IQSEC1: variants seen among roughly 807,000 people sequenced by gnomAD.
IQSEC1 encodes the protein IQ motif and Sec7 domain ArfGEF 1.
In IQSEC1, 31 loss-of-function variants were observed where a neutral mutation model predicts 91.0. The ratio of observed to expected loss-of-function variants is 0.34; its 90% CI spans 0.26 to 0.46. IQSEC1 has a LOEUF of 0.46. Ranked by LOEUF, IQSEC1 falls within the 20% of genes least tolerant of loss-of-function variation. The pLI, the probability that IQSEC1 is intolerant of heterozygous loss-of-function variation, is 1.00. For synonymous variants in IQSEC1, 699 were observed against 662.6 expected (o/e 1.05, Z -0.84); for missense variants, 1,388 against 1,575.6 (o/e 0.88, Z 2.02).
At chr3:13,018,441 C>T (rs360846) in intron 1 of IQSEC1, among the ~76,000 whole-genome samples, 143,383 of 152,328 alleles carry the variant, frequency 0.94, 67,663 homozygotes, top group East Asian at 1. Flanking sequence ...CCCTGGCCCA[C>T]GAAGAGGCTC....
intron 1 of IQSEC1, among the ~76,000 whole-genome samples, chr3:13,202,465 A>G (rs960027303): frequency 3.3e-5 from 5 of 152,214 alleles, no homozygotes; most frequent in African/African-American, 1.2e-4. Flanking sequence ...TCAGCCTTAA[A>G]AAGGAAGGAA....
At chr3:13,137,426 A>G (rs115671281) in intron 2 of IQSEC1, among the ~76,000 whole-genome samples, 1,810 of 152,362 alleles carry the variant, frequency 0.012, 30 homozygotes, top group African/African-American at 0.037. Flanking sequence ...GAAAATGCCA[A>G]TCTTAGAAGG....
chr3:13,044,632 T>C (rs1248652358), intron 1 of IQSEC1, among the ~76,000 whole-genome samples: 1 of 152,248 alleles, frequency 6.6e-6, no homozygotes, highest in African/African-American at 2.4e-5. Flanking sequence ...ATGAGCCTGT[T>C]TGGCAAGGTA....
At chr3:13,152,825 A>G (rs923683992) in intron 2 of IQSEC1, among the ~76,000 whole-genome samples, 2 of 152,160 alleles carry the variant, frequency 1.3e-5, no homozygotes, top group Non-Finnish European at 2.9e-5. Flanking sequence ...AGCCAAGATC[A>G]CGCCATTGCA....
In IQSEC1 at chr3:13,123,257, T is replaced by C. The variant is rs1706453278; in HGVS notation, c.302+40847A>G. Among the ~76,000 whole-genome samples, 7 of 152,344 alleles carry C rather than the reference T, an allele frequency of 4.6e-5. No homozygotes were observed. The South Asian group carries it at 1.2e-3, about 27-fold the overall frequency. ...AGGTGTCCAGTCCAGGGGAGGGAAT[T>C]CATTTCTAATATTTGTGCCCCTTCA... On this transcript the variant is annotated intron_variant, in intron 2 of 15. Coordinates refer to the IQSEC1 transcript ENST00000648114.
chr3:13,273,876 C>A (rs1695628978), intron 1 of IQSEC1, among the ~76,000 whole-genome samples: 1 of 152,162 alleles, frequency 6.6e-6, no homozygotes, highest in African/African-American at 2.4e-5. Context: ...CTCTCTCATG[C>A]CCTCCCCCTC....
At chr3:12,959,094 T>A (rs1462026692) in intron 1 of IQSEC1, among the ~76,000 whole-genome samples, 1 of 151,880 alleles carries the variant, frequency 6.6e-6, no homozygotes, top group Non-Finnish European at 1.5e-5. Context: ...GGTTGCTGGG[T>A]GGGTGGCAGG....
At chr3:13,161,184 G>C (rs942906249) in intron 2 of IQSEC1, among the ~76,000 whole-genome samples, 1 of 152,214 alleles carries the variant, frequency 6.6e-6, no homozygotes, top group Non-Finnish European at 1.5e-5. Flanking sequence ...CATTTGGTGG[G>C]AGCTGGAGGT....
At chr3:13,200,581 C>T (rs1029455046) in intron 1 of IQSEC1, among the ~76,000 whole-genome samples, 6 of 152,214 alleles carry the variant, frequency 3.9e-5, no homozygotes, top group South Asian at 2.1e-4. Context: ...TCAGGGTGAA[C>T]GCCTGGCAGG....
chr3:12,988,394 G>T (rs978342663), intron 1 of IQSEC1, among the ~76,000 whole-genome samples: 1 of 152,064 alleles, frequency 6.6e-6, no homozygotes, highest in East Asian at 1.9e-4. Flanking sequence ...CAGCCTGGGC[G>T]ACAGAGCGAG....
intron 1 of IQSEC1, among the ~76,000 whole-genome samples, chr3:13,066,265 G>A (rs1009464647): frequency 6.6e-6 from 1 of 152,290 alleles, no homozygotes; most frequent in Admixed American, 6.5e-5. Context: ...TTTAAAAAAG[G>A]AAGTTTTCTG....
intron 1 of IQSEC1, among the ~76,000 whole-genome samples, chr3:13,035,107 T>G (rs537485863): frequency 2.2e-4 from 34 of 152,310 alleles, no homozygotes; most frequent in Admixed American, 1.8e-3. Flanking sequence ...CTTGACAGCT[T>G]GAGTGGTGGC....
rs985522396 is a variant in IQSEC1, at chr3:13,282,625, A to C, written c.272+86T>G. ...GCCACGCGCCCTCCCGCACCCGCCC[A>C]CCTCCCCGCCAAGCCCCGAGGGAAG... is the stretch of plus-strand genomic sequence containing the variant. On this transcript the variant is annotated intron_variant, in intron 1 of 15. Transcript: ENST00000648114. This position sits in a 1 kb window ranked among gnomAD's most constrained non-coding sequence, Gnocchi z 6.4. Among the ~76,000 whole-genome samples the C allele has an allele frequency of 1.4e-5, 2 of 138,488 alleles. No homozygotes were observed. The allele number at this position is 138,488 out of a possible 152,430, so 90.9% of individuals were successfully genotyped here.
Position 12,900,653 on chromosome 3 carries a change from A to G in IQSEC1, c.*330T>C, listed in dbSNP as rs1249800543. 3 of 1,228,784 alleles carry G rather than the reference A, an allele frequency of 2.4e-6. No individual in the cohort carries two copies. The highest frequency in any genetic ancestry group is 3.1e-6 in the Non-Finnish European group (3 of 978,708). 76.1% of individuals were successfully genotyped at this position (1,228,784 alleles called of 1,614,324 possible). A position where few individuals can be genotyped will look rare whatever the true frequency, so the allele number is the denominator to read the frequency against. On this transcript the variant is annotated 3_prime_UTR_variant, in exon 14 of 14. Coordinates refer to ENST00000613206, the MANE Select transcript of IQSEC1 (RefSeq NM_001134382.3). ...TTGGGTTTTCATATGCATGTACATT[A>G]GGGCACAGGGAGCTGAGAGCTGGAG...
chr3:13,092,527 G>T (rs889140310), intron 2 of IQSEC1, among the ~76,000 whole-genome samples: 1 of 152,116 alleles, frequency 6.6e-6, no homozygotes, highest in African/African-American at 2.4e-5. Context: ...ATGCTGCCAA[G>T]AAGACACAAC....
chr3:13,197,422 T>C (rs868256015), intron 1 of IQSEC1, among the ~76,000 whole-genome samples: 62 of 152,288 alleles, frequency 4.1e-4, no homozygotes, highest in African/African-American at 1.4e-3. Context: ...CAGGACGTGC[T>C]GGTGCCCGGC....
At chr3:13,239,773 C>G (rs185415457) in intron 1 of IQSEC1, among the ~76,000 whole-genome samples, 1 of 152,200 alleles carries the variant, frequency 6.6e-6, no homozygotes, top group South Asian at 2.1e-4. Context: ...GGAAATAAGC[C>G]GGACACAGAA....
chr3:13,228,368 T>C (rs1694792523), intron 1 of IQSEC1, among the ~76,000 whole-genome samples: 1 of 152,064 alleles, frequency 6.6e-6, no homozygotes, highest in East Asian at 1.9e-4. Flanking sequence ...TGGAACTGCA[T>C]GACCTCGGCA....
intron 2 of IQSEC1, among the ~76,000 whole-genome samples, chr3:13,123,508 A>G (rs981314636): frequency 1.3e-5 from 2 of 152,194 alleles, no homozygotes; most frequent in East Asian, 3.8e-4. Flanking sequence ...TTTGGTCTCC[A>G]AGTCCAAATG....
Sources: gnomAD v4.1 joint callset for allele counts (sites outside exome capture counted in the v4.1 genomes callset) on GRCh38, gnomAD v4.1.1 for gene constraint, Gnocchi (gnomAD v3.1) non-coding constraint, MANE v1.5 for transcripts, NCBI Gene and HGNC (gene_info 2026-07-23, HGNC 2026-07-21) for gene names.